INPP4B: variants seen among roughly 807,000 people sequenced by gnomAD.
The protein encoded by INPP4B is inositol polyphosphate-4-phosphatase type II B, also known as inositol polyphosphate 4-phosphatase type II.
In INPP4B, 55 loss-of-function variants were observed where a neutral mutation model predicts 122.5. The ratio of observed to expected loss-of-function variants is 0.45; its 90% CI spans 0.36 to 0.56. The LOEUF is 0.56. Among genes scored for constraint, INPP4B ranks in the 20% least tolerant of loss-of-function variants. The pLI is 0.00. For synonymous variants in INPP4B, 403 were observed against 388.7 expected (o/e 1.04, Z -0.43); for missense variants, 1,000 against 1,097.7 (o/e 0.91, Z 1.26).
At chr4:142,647,320 T>G (rs530211866) in intron 2 of INPP4B, among the ~76,000 whole-genome samples, 2 of 152,178 alleles carry the variant, frequency 1.3e-5, no homozygotes, top group South Asian at 2.1e-4. Flanking sequence ...TGTATTACTT[T>G]AAAAATAATA....
chr4:142,758,995 T>G (rs1482804089), intron 1 of INPP4B, among the ~76,000 whole-genome samples: 2 of 151,882 alleles, frequency 1.3e-5, no homozygotes, highest in Non-Finnish European at 2.9e-5. Context: ...CCTTTCACTG[T>G]GTAGATAACA....
intron 2 of INPP4B, among the ~76,000 whole-genome samples, chr4:142,655,262 G>T (rs1753906976): frequency 6.6e-6 from 1 of 152,168 alleles, no homozygotes; most frequent in African/African-American, 2.4e-5. Flanking sequence ...GCTCCAGTAG[G>T]TGAGCTCCAT....
intron 2 of INPP4B, among the ~76,000 whole-genome samples, chr4:142,699,483 C>A (rs1761443721): frequency 6.6e-6 from 1 of 152,156 alleles, no homozygotes; most frequent in Non-Finnish European, 1.5e-5. Context: ...AGAGCTCCAC[C>A]TACTCTGTCC....
At chr4:142,032,176 G>A (rs1199474122) in intron 25 of INPP4B, among the ~76,000 whole-genome samples, 1 of 152,082 alleles carries the variant, frequency 6.6e-6, no homozygotes, top group Non-Finnish European at 1.5e-5. Context: ...GATATAAGGG[G>A]ACTGGAAAGT....
intron 1 of INPP4B, among the ~76,000 whole-genome samples, chr4:142,786,788 C>G (rs1775823045): frequency 6.6e-6 from 1 of 152,030 alleles, no homozygotes; most frequent in Non-Finnish European, 1.5e-5. Flanking sequence ...ACACAATAGA[C>G]AAGTCTAAAT....
At chr4:142,031,983 A>T (rs1740510654) in intron 25 of INPP4B, among the ~76,000 whole-genome samples, 2 of 152,208 alleles carry the variant, frequency 1.3e-5, no homozygotes, top group South Asian at 4.1e-4. Flanking sequence ...CATGAAGAAA[A>T]GTAAGGCAGG....
At chr4:142,369,976 C>T (rs1440245442) in intron 7 of INPP4B, among the ~76,000 whole-genome samples, 8 of 151,416 alleles carry the variant, frequency 5.3e-5, no homozygotes, top group Admixed American at 5.3e-4. Context: ...TGCCTCATTG[C>T]CTTAGATTAG....
chr4:142,174,622 T>C (rs891637066), intron 15 of INPP4B, among the ~76,000 whole-genome samples: 8 of 99,572 alleles, frequency 8.0e-5, no homozygotes, highest in African/African-American at 2.1e-4. Flanking sequence ...AACTAAAGAA[T>C]TATTGACTTC....
intron 2 of INPP4B, among the ~76,000 whole-genome samples, chr4:142,483,061 C>T (rs200128623): frequency 6.6e-6 from 1 of 151,688 alleles, no homozygotes; most frequent in East Asian, 1.9e-4. Context: ...TATGCATAGT[C>T]CCCCCAAAAT....
intron 2 of INPP4B, chr4:142,654,364 G>A (rs1216573604): frequency 1.2e-3 from 37 of 30,712 alleles, no homozygotes; most frequent in Non-Finnish European, 1.9e-3. Context: ...AGAACTTAAA[G>A]TATAAAAAAA....
chr4:142,057,730 T>C (rs1445058635), intron 25 of INPP4B, among the ~76,000 whole-genome samples: 15 of 152,180 alleles, frequency 9.9e-5, no homozygotes, highest in Non-Finnish European at 2.9e-5. Context: ...ATTTGCTTTT[T>C]TACTCCTTAA....
At chr4:142,310,569 T>C (rs972261512) in intron 8 of INPP4B, among the ~76,000 whole-genome samples, 3 of 152,138 alleles carry the variant, frequency 2.0e-5, no homozygotes, top group African/African-American at 7.2e-5. Context: ...ATAGGAACTA[T>C]GGTATAAGTT....
At chr4:142,640,028 A>G (rs1040092575) in intron 2 of INPP4B, among the ~76,000 whole-genome samples, 1 of 152,150 alleles carries the variant, frequency 6.6e-6, no homozygotes, top group Middle Eastern at 3.2e-3. Context: ...CAGTAATAAT[A>G]TGAATAGTGA....
chr4:142,704,054 G>A (rs1762154628), intron 2 of INPP4B, among the ~76,000 whole-genome samples: 1 of 152,182 alleles, frequency 6.6e-6, no homozygotes, highest in Non-Finnish European at 1.5e-5. Context: ...ATTAGAAGAA[G>A]CTGTGTTTCA....
intron 7 of INPP4B, among the ~76,000 whole-genome samples, chr4:142,346,862 A>G (rs909082610): frequency 6.6e-6 from 1 of 152,076 alleles, no homozygotes; most frequent in Admixed American, 6.6e-5. Context: ...CAGTTCCGTG[A>G]TGACACAGGA....
intron 7 of INPP4B, among the ~76,000 whole-genome samples, chr4:142,315,147 G>A (rs1047547010): frequency 2.2e-4 from 33 of 152,146 alleles, no homozygotes; most frequent in African/African-American, 7.5e-4. Context: ...ATAAATGTTT[G>A]AAATTATGGA....
chr4:142,435,678 C>T (rs771437576), intron 3 of INPP4B, among the ~76,000 whole-genome samples: 4 of 152,314 alleles, frequency 2.6e-5, no homozygotes, highest in African/African-American at 7.2e-5. Context: ...GAGAGCCATA[C>T]GGGGAGGGGA....
chr4:142,406,907 TAG>T (rs1375692370), intron 5 of INPP4B, among the ~76,000 whole-genome samples: 24 of 152,302 alleles, frequency 1.6e-4, no homozygotes, highest in African/African-American at 5.5e-4. Context: ...AATTCTCTGG[TAG>T]CTTACATCCT....
chr4:142,486,302 T>C (rs1821189434), intron 2 of INPP4B, among the ~76,000 whole-genome samples: 1 of 152,216 alleles, frequency 6.6e-6, no homozygotes, highest in African/African-American at 2.4e-5. Context: ...CATTTAGACT[T>C]CTTAATCTTA....
Sources: allele counts gnomAD v4.1 joint callset (sites outside exome capture counted in the v4.1 genomes callset), GRCh38; gene constraint gnomAD v4.1.1; transcripts MANE v1.5; gene names NCBI Gene and HGNC (gene_info 2026-07-23, HGNC 2026-07-21).